The following CASK variants were observed in gnomAD, a reference collection of about 807,000 sequenced individuals.
CASK encodes the protein peripheral plasma membrane protein CASK.
A neutral mutation model predicts 82.9 loss-of-function variants in CASK; 4 were observed. The observed-to-expected ratio is 0.05, with a 90% CI of 0.02 to 0.11. The LOEUF is 0.11. CASK is among the 10% of genes least tolerant of loss of function. CASK has a pLI of 1.00. For missense variants in CASK, 358 were observed against 720.9 expected, an observed-to-expected ratio of 0.50 and a Z score of 5.76; for synonymous variants, 259 against 253.5, an observed-to-expected ratio of 1.02 and a Z score of -0.20.
At chrX:41,744,431 C>T (rs186188917) in intron 4 of CASK, among the ~76,000 whole-genome samples, 4 of 109,446 alleles carry the variant, frequency 3.7e-5, no homozygotes, top group East Asian at 5.8e-4. Context: ...ATGCAAGCTC[C>T]GCCTCCCGGG....
intron 1 of CASK, among the ~76,000 whole-genome samples, chrX:41,905,496 T>G (rs1055438075): frequency 1.9e-4 from 21 of 113,024 alleles, no homozygotes; most frequent in Non-Finnish European, 3.9e-4. Context: ...TGAGCACCTT[T>G]CCGTGTATTT....
At chrX:41,651,138 G>C (rs1213671409) in intron 8 of CASK, among the ~76,000 whole-genome samples, 1 of 112,017 alleles carries the variant, frequency 8.9e-6, no homozygotes, top group Non-Finnish European at 1.9e-5. Flanking sequence ...AAATAAATAT[G>C]CTATTAGCCA....
At chrX:41,885,660 T>A (rs2072035360) in intron 1 of CASK, among the ~76,000 whole-genome samples, 1 of 112,005 alleles carries the variant, frequency 8.9e-6, no homozygotes, top group Non-Finnish European at 1.9e-5. Flanking sequence ...ACACTCAACA[T>A]CTAAAATTAA....
intron 2 of CASK, among the ~76,000 whole-genome samples, chrX:41,788,642 T>C (rs1025125800): frequency 9.0e-6 from 1 of 111,226 alleles, no homozygotes; most frequent in African/African-American, 3.3e-5. Flanking sequence ...GTCAGAAAAT[T>C]TGACAAAAGA....
intron 5 of CASK, among the ~76,000 whole-genome samples, chrX:41,730,927 A>G (rs1569423293): frequency 9.0e-6 from 1 of 111,486 alleles, no homozygotes; most frequent in Non-Finnish European, 1.9e-5. Context: ...TTGGTCTCGA[A>G]TTCCTGAGCT....
chrX:41,603,113 A>G (rs920543496), intron 12 of CASK, among the ~76,000 whole-genome samples: 17 of 112,336 alleles, frequency 1.5e-4, no homozygotes, highest in African/African-American at 5.2e-4. Flanking sequence ...GAAGGTCCTC[A>G]GATAGGCTTT....
chrX:41,603,161 C>A (rs1282088249), intron 12 of CASK, among the ~76,000 whole-genome samples: 1 of 112,339 alleles, frequency 8.9e-6, no homozygotes, highest in Non-Finnish European at 1.9e-5. Context: ...GGCTGGACTA[C>A]AAATTCTTGG....
Position 41,725,800 on chromosome X carries a change from A to G in CASK, c.429+13584T>C, listed in dbSNP as rs150477186. Among the ~76,000 whole-genome samples, 135 of 112,521 alleles carry G rather than the reference A, an allele frequency of 1.2e-3. 2 individuals are homozygous for G. The highest frequency in any genetic ancestry group is 4.2e-3 in the African/African-American group (131 of 31,047). ...AAAAAAAATCCTCTGAAAAACTCAGATAGCAAATTACACACAAGGACACTC... is the reference window on the plus strand; with the variant it reads ...AAAAAAAATCCTCTGAAAAACTCAGGTAGCAAATTACACACAAGGACACTC... On this transcript the variant is annotated intron_variant, in intron 5 of 26. Transcript: ENST00000378163.
At chrX:41,577,049 C>T (rs995194949) in intron 15 of CASK, among the ~76,000 whole-genome samples, 3 of 112,140 alleles carry the variant, frequency 2.7e-5, no homozygotes, top group Non-Finnish European at 5.6e-5. Flanking sequence ...TTTCTATATC[C>T]TAATATCCCT....
intron 1 of CASK, among the ~76,000 whole-genome samples, chrX:41,912,790 T>TTATATATATATA (rs202164173): frequency 4.4e-4 from 43 of 97,936 alleles, no homozygotes; most frequent in South Asian, 1.4e-3. Flanking sequence ...TGCAAGTAAT[T>TTATATATATATA]TATATATATA....
intron 2 of CASK, among the ~76,000 whole-genome samples, chrX:41,829,626 GGT>G (rs199554087): frequency 0.27 from 8,256 of 30,692 alleles, 2,129 homozygotes; most frequent in Non-Finnish European, 0.32. Context: ...TTTTTGGGGG[GGT>G]GGGGGTGAAC....
At chrX:41,584,465 G>A (rs1443477381) in intron 14 of CASK, 2 of 104,501 alleles carry the variant, frequency 1.9e-5, no homozygotes, top group African/African-American at 7.0e-5. Flanking sequence ...ATTTTTCCAC[G>A]GATGGCAGGG....
chrX:41,745,749 CAT>C, intron 3 of CASK, 148 bp from the exon 4 acceptor site: 2 of 494,234 alleles, frequency 4.0e-6, no homozygotes, highest in Non-Finnish European at 7.2e-6. Flanking sequence ...GAAATATAGA[CAT>C]AAATTATAAA....
chrX:41,573,612 G>A (rs1051451551), intron 15 of CASK, among the ~76,000 whole-genome samples: 2 of 111,163 alleles, frequency 1.8e-5, no homozygotes, highest in Non-Finnish European at 3.8e-5. Flanking sequence ...ATCCCATAGT[G>A]TATTTTCCTG....
At chrX:41,750,616 T>C (rs1367627919) in intron 3 of CASK, among the ~76,000 whole-genome samples, 1 of 112,365 alleles carries the variant, frequency 8.9e-6, no homozygotes, top group Admixed American at 9.4e-5. Flanking sequence ...AATGGGATTA[T>C]GAATGAGCTT....
rs560094217 is a variant in CASK at position 41,888,080 on chromosome X, C to T, written c.59+34850G>A. Among the ~76,000 whole-genome samples, 8 of 111,557 alleles carry T rather than the reference C, an allele frequency of 7.2e-5. No homozygotes were observed. The South Asian group carries it at 3.0e-3, about 42-fold the overall frequency. Reference sequence around the variant, plus strand: ...AGCCATCTGCCAATAGATCATAAGGCCTTCTGAAGTTTTAGGCTACATAGC... The same window carrying T: ...AGCCATCTGCCAATAGATCATAAGGTCTTCTGAAGTTTTAGGCTACATAGC... On this transcript the variant is annotated intron_variant, in intron 1 of 26. Coordinates refer to ENST00000378163, the MANE Select transcript of CASK (RefSeq NM_001367721.1).
intron 5 of CASK, among the ~76,000 whole-genome samples, chrX:41,725,343 C>A (rs1190297410): frequency 1.8e-5 from 2 of 110,834 alleles, no homozygotes; most frequent in Admixed American, 1.9e-4. Context: ...ATAAATCAAA[C>A]CATAATTCTG....
At chrX:41,544,023 GTGTC>G (rs1958015098) in intron 21 of CASK, among the ~76,000 whole-genome samples, 1 of 111,911 alleles carries the variant, frequency 8.9e-6, no homozygotes, top group South Asian at 3.7e-4. Context: ...CTTTCGTTAA[GTGTC>G]TGTTCAAGTC....
Position 41,769,777 on chromosome X carries a change from G to A in CASK, c.278+17401C>T, listed in dbSNP as rs759765754. The stretch of plus-strand genomic sequence containing the variant: ...TGGGAAACACAGTGAGACTATGTCT[G>A]TACTAAAAATAAAAAAAATTAAGTG... On this transcript the variant is annotated intron_variant, in intron 3 of 26. Transcript: ENST00000378163. Among the ~76,000 whole-genome samples, 6 of 110,430 alleles carry A rather than the reference G, an allele frequency of 5.4e-5. No homozygotes were observed. In the East Asian group the frequency reaches 1.7e-3, roughly 31 times the overall value.
Sources: allele counts gnomAD v4.1 joint callset (sites outside exome capture counted in the v4.1 genomes callset), GRCh38; gene constraint gnomAD v4.1.1; transcripts MANE v1.5; gene names NCBI Gene and HGNC (gene_info 2026-07-23, HGNC 2026-07-21).